RAD18: variants seen among roughly 807,000 people sequenced by gnomAD.
RAD18 encodes RAD18 E3 ubiquitin protein ligase.
A neutral mutation model predicts 60.4 loss-of-function variants in RAD18; 47 were observed. The observed-to-expected ratio is 0.78, with a 90% confidence interval of 0.62 to 0.99. The LOEUF (loss-of-function observed/expected upper bound fraction) is 0.99, where lower values mean the gene tolerates loss of function less well. Ranked by LOEUF, RAD18 falls within the 50% of genes least tolerant of loss-of-function variation. RAD18 has a pLI of 0.00. For missense variants in RAD18, 640 were observed against 593.3 expected (o/e 1.08, Z -0.82); for synonymous variants, 225 against 195.5 (o/e 1.15, Z -1.26).
At chr3:8,956,699 T>C (rs1373295329) in intron 2 of RAD18, among the ~76,000 whole-genome samples, 1 of 139,766 alleles carries the variant, frequency 7.2e-6, no homozygotes, top group Admixed American at 7.0e-5. Flanking sequence ...CATATGAGCA[T>C]CTCCATAACT....
At position 8,878,396 on chromosome 3, in the gene RAD18, A is replaced by G. The variant is rs1939401529; in HGVS notation, c.*2961T>C. 1 of 152,190 alleles carries G rather than the reference A, an allele frequency of 6.6e-6. No individual in the cohort carries two copies. Among genetic ancestry groups the G allele is most frequent in the Admixed American group, 6.5e-5 (1 of 15,286 alleles). 9.4% of individuals were successfully genotyped at this position (152,190 alleles called of 1,614,324 possible). On this transcript the variant is annotated 3_prime_UTR_variant, in exon 13 of 13. Coordinates refer to ENST00000264926, the MANE Select transcript of RAD18 (RefSeq NM_020165.4). ...AAATTACTGAAATGGTAAAAAATGT[A>G]ATGGTTGTGGTTTTCCCTCTTATGT...
At chr3:8,929,611 G>T (rs644094) in intron 7 of RAD18, among the ~76,000 whole-genome samples, 2 of 151,648 alleles carry the variant, frequency 1.3e-5, no homozygotes, top group African/African-American at 4.8e-5. Context: ...AGACTAACAG[G>T]TGTTGGCAAG....
chr3:8,889,814 G>A (rs1329536655), intron 12 of RAD18, among the ~76,000 whole-genome samples: 1 of 152,182 alleles, frequency 6.6e-6, no homozygotes, highest in African/African-American at 2.4e-5. Context: ...AAGATTTTTA[G>A]AGCAGAGGGA....
Position 8,898,938 on chromosome 3 carries a change from A to G in RAD18, c.1278T>C (p.Asp426=), listed in dbSNP as rs544776993. The G allele has an allele frequency of 1.2e-6, 2 of 1,605,592 alleles. No homozygotes were observed. Among genetic ancestry groups the G allele is most frequent in the Non-Finnish European group, 1.7e-6 (2 of 1,175,172 alleles). Residue 426 remains aspartate (D), a synonymous_variant, in exon 11 of 13, where the codon GAT becomes GAC. Coordinates refer to ENST00000264926, the MANE Select transcript of RAD18 (RefSeq NM_020165.4). ...CTGATGAAGAAAGAACTTCTTGAAT[A>G]TCAATACAGCTAGAAGAATCCTCTT... ...DREEDSSSCI[D]IQEVLSSSES...
rs371437414 is a variant in RAD18 at position 8,935,972 on chromosome 3, T to C, written c.788A>G (p.His263Arg). Residue 263 changes from histidine to arginine, a missense_variant, in exon 7 of 13, where the codon CAT (histidine) becomes CGT (arginine). Transcript: ENST00000264926. ...TTTATTTCCTTGAATAGATAATCCATGCTCTTTTAGCTTTTTCTTTAAATC... is the reference window on the plus strand; with the variant it reads ...TTTATTTCCTTGAATAGATAATCCACGCTCTTTTAGCTTTTTCTTTAAATC... ...DRDLKKKLKE[H>R]GLSIQGNKQQ... is the part of the protein sequence containing the mutation. 3.7e-6 allele frequency: 6 copies of C among 1,610,894 alleles called. No individual in the cohort carries two copies. The highest frequency in any genetic ancestry group is 2.5e-6 in the Non-Finnish European group (3 of 1,177,538).
intron 10 of RAD18, 93 bp downstream of exon 10, chr3:8,902,287 A>G: frequency 1.7e-6 from 2 of 1,201,040 alleles, no homozygotes; most frequent in Non-Finnish European, 1.1e-6. Flanking sequence ...AAGAACTAAG[A>G]ACTCCAAAGT....
chr3:8,926,265 A>G (rs1345366982), intron 7 of RAD18, among the ~76,000 whole-genome samples: 2 of 152,056 alleles, frequency 1.3e-5, no homozygotes, highest in African/African-American at 4.8e-5. Context: ...TTATACACCA[A>G]TAACAGACAG....
In RAD18 at chr3:8,879,579, G is replaced by T. The variant is rs1009114368; in HGVS notation, c.*1778C>A. The T allele has an allele frequency of 6.6e-6, 1 of 152,188 alleles. No homozygotes were observed. Among genetic ancestry groups the T allele is most frequent in the African/African-American group, 2.4e-5 (1 of 41,416 alleles). 9.4% of individuals were successfully genotyped at this position (152,188 alleles called of 1,614,324 possible). ...AGCCCTGGCAAACTAATCCATGAGG[G>T]TTGGGTGTTTAGCCTCATCCCTGGC... is the stretch of plus-strand genomic sequence containing the variant. On this transcript the variant is annotated 3_prime_UTR_variant, in exon 13 of 13. Coordinates refer to ENST00000264926, the MANE Select transcript of RAD18 (RefSeq NM_020165.4).
chr3:8,910,039 A>G (rs1286093824), intron 9 of RAD18, among the ~76,000 whole-genome samples: 1 of 152,212 alleles, frequency 6.6e-6, no homozygotes, highest in East Asian at 1.9e-4. Flanking sequence ...CACAGGAAGG[A>G]GGAGAGCAGA....
chr3:8,939,736 T>C (rs1327174869), intron 5 of RAD18, 83 bp from the exon 6 acceptor site: 1 of 1,184,220 alleles, frequency 8.4e-7, no homozygotes, highest in African/African-American at 1.6e-5. Context: ...TTTCAGCAAG[T>C]AAAGTAAAAA....
At chr3:8,944,542 G>C (rs978922662) in intron 4 of RAD18, among the ~76,000 whole-genome samples, 1 of 150,532 alleles carries the variant, frequency 6.6e-6, no homozygotes, top group African/African-American at 2.4e-5. Context: ...AGAGGAAAGG[G>C]AGGAAGGGAA....
At chr3:8,924,576 C>G (rs1183988770) in intron 7 of RAD18, among the ~76,000 whole-genome samples, 1 of 125,766 alleles carries the variant, frequency 8.0e-6, no homozygotes, top group East Asian at 2.1e-4. Context: ...TAGACATCTA[C>G]AGAACTCTCC....
chr3:8,918,047 G>A (rs548371912), intron 7 of RAD18, among the ~76,000 whole-genome samples: 1 of 152,354 alleles, frequency 6.6e-6, no homozygotes, highest in East Asian at 1.9e-4. Context: ...GCCGGGCGCA[G>A]TGGGTCATGC....
chr3:8,882,551 C>T (rs531833961), intron 12 of RAD18, among the ~76,000 whole-genome samples: 72 of 152,244 alleles, frequency 4.7e-4, no homozygotes, highest in Non-Finnish European at 8.2e-4. Context: ...ACAGTGAACC[C>T]CGGCTGTTTC....
chr3:8,947,464 A>G (rs1287152613), intron 3 of RAD18, among the ~76,000 whole-genome samples, 174 bp from the exon 4 acceptor site: 5 of 152,226 alleles, frequency 3.3e-5, no homozygotes, highest in Non-Finnish European at 7.3e-5. Context: ...ATTTTAAAAC[A>G]GTGAATCAGT....
chr3:8,963,216 CG>C, intron 1 of RAD18, 118 bp downstream of exon 1: 2 of 1,165,704 alleles, frequency 1.7e-6, no homozygotes, highest in Non-Finnish European at 2.4e-6. Context: ...GCCGGATACC[CG>C]GGCCCAGTGC....
At chr3:8,938,854 T>A (rs1327770536) in intron 6 of RAD18, among the ~76,000 whole-genome samples, 1 of 152,226 alleles carries the variant, frequency 6.6e-6, no homozygotes, top group Non-Finnish European at 1.5e-5. Context: ...ACTGATTCCG[T>A]AATGCCTTGC....
chr3:8,894,951 A>G (rs546229079), intron 11 of RAD18, among the ~76,000 whole-genome samples: 15 of 152,090 alleles, frequency 9.9e-5, no homozygotes, highest in African/African-American at 2.2e-4. Flanking sequence ...AGTAAAGGCC[A>G]GGTTTCACCA....
At chr3:8,943,732 A>C (rs1423210777) in intron 4 of RAD18, among the ~76,000 whole-genome samples, 1 of 152,194 alleles carries the variant, frequency 6.6e-6, no homozygotes, top group Non-Finnish European at 1.5e-5. Flanking sequence ...GAAAATCTCC[A>C]AATGTTAAGA....
Sources: allele counts gnomAD v4.1 joint callset (sites outside exome capture counted in the v4.1 genomes callset), GRCh38; gene constraint gnomAD v4.1.1; transcripts MANE v1.5; gene names NCBI Gene and HGNC (gene_info 2026-07-23, HGNC 2026-07-21).